THSD7A: variants seen among roughly 807,000 people sequenced by gnomAD.
The protein encoded by THSD7A is thrombospondin type-1 domain-containing protein 7A.
In THSD7A, 96 loss-of-function variants were observed where a neutral mutation model predicts 231.3. The observed-to-expected ratio is 0.41, with a 90% confidence interval of 0.35 to 0.49. The LOEUF (loss-of-function observed/expected upper bound fraction) is 0.49. THSD7A is among the 20% of genes least tolerant of loss of function. The pLI, the probability that THSD7A is intolerant of heterozygous loss-of-function variation, is 0.05. For missense variants in THSD7A, 2,290 were observed against 2,070.2 expected (o/e 1.11, Z -2.06); for synonymous variants, 940 against 743.3 (o/e 1.26, Z -4.30).
At chr7:11,732,940 T>C (rs979224082) in intron 1 of THSD7A, among the ~76,000 whole-genome samples, 1 of 151,904 alleles carries the variant, frequency 6.6e-6, no homozygotes, top group Non-Finnish European at 1.5e-5. Flanking sequence ...AACTGCCATA[T>C]ACCATAATAA....
intron 1 of THSD7A, among the ~76,000 whole-genome samples, chr7:11,699,854 G>A (rs1231668661): frequency 6.6e-6 from 1 of 151,194 alleles, no homozygotes; most frequent in Non-Finnish European, 1.5e-5. Flanking sequence ...TAATTTGCAT[G>A]GATGGAAATG....
intron 1 of THSD7A, among the ~76,000 whole-genome samples, chr7:11,680,485 C>T (rs1584200789): frequency 6.6e-6 from 1 of 151,696 alleles, no homozygotes; most frequent in Non-Finnish European, 1.5e-5. Flanking sequence ...AATCTACAAG[C>T]AACTTAAACA....
At chr7:11,685,394 G>A (rs532609142) in intron 1 of THSD7A, among the ~76,000 whole-genome samples, 1 of 151,860 alleles carries the variant, frequency 6.6e-6, no homozygotes, top group Non-Finnish European at 1.5e-5. Context: ...TTAAACTAAG[G>A]AGCTTTTGCA....
In THSD7A at chr7:11,780,997, C is replaced by CAAAAAAAAAAAAAAAAA. The variant is rs58931693; in HGVS notation, c.190+50743_190+50759dup. The stretch of plus-strand genomic sequence containing the variant: ...TGGGCGACAGAGCGAGACTCCGTCT[C>CAAAAAAAAAAAAAAAAA]AAAAAAAAAAAAAAAAAAAAAAAAA... On this transcript the variant is annotated intron_variant, in intron 1 of 27. Transcript: ENST00000423059. Among the ~76,000 whole-genome samples the CAAAAAAAAAAAAAAAAA allele has an allele frequency of 4.9e-4, 17 of 34,448 alleles. 5 individuals are homozygous for CAAAAAAAAAAAAAAAAA. Among genetic ancestry groups the CAAAAAAAAAAAAAAAAA allele is most frequent in the Non-Finnish European group, 6.9e-4 (13 of 18,860 alleles). 22.6% of individuals were successfully genotyped at this position (34,448 alleles called of 152,430 possible). A position where few individuals can be genotyped will look rare whatever the true frequency, so the allele number is the denominator to read the frequency against.
At chr7:11,389,479 AT>A (rs947246133) in intron 23 of THSD7A, among the ~76,000 whole-genome samples, 11 of 91,462 alleles carry the variant, frequency 1.2e-4, no homozygotes, top group African/African-American at 4.6e-4. Flanking sequence ...CTTGGTAAAT[AT>A]CCCTCCATCC....
intron 6 of THSD7A, among the ~76,000 whole-genome samples, chr7:11,523,715 G>A (rs1022454966): frequency 6.6e-6 from 1 of 152,002 alleles, no homozygotes; most frequent in Non-Finnish European, 1.5e-5. Context: ...ATAATTGACA[G>A]GAAGATTAAA....
At chr7:11,414,832 G>A (rs1783906728) in intron 17 of THSD7A, among the ~76,000 whole-genome samples, 1 of 152,154 alleles carries the variant, frequency 6.6e-6, no homozygotes, top group African/African-American at 2.4e-5. Context: ...TTATATAAAG[G>A]TCTTGTTCGT....
chr7:11,652,014 A>T (rs941678080), intron 1 of THSD7A, among the ~76,000 whole-genome samples: 9 of 151,994 alleles, frequency 5.9e-5, no homozygotes, highest in Non-Finnish European at 1.0e-4. Context: ...GAATGATTTT[A>T]TTACACATCT....
At chr7:11,608,376 T>C (rs922687443) in intron 2 of THSD7A, among the ~76,000 whole-genome samples, 3 of 152,090 alleles carry the variant, frequency 2.0e-5, no homozygotes, top group African/African-American at 4.8e-5. Flanking sequence ...AATTTAAAAA[T>C]TGATTAACTG....
intron 6 of THSD7A, among the ~76,000 whole-genome samples, chr7:11,529,259 T>C (rs970722598): frequency 6.6e-6 from 1 of 152,126 alleles, no homozygotes; most frequent in African/African-American, 2.4e-5. Context: ...TATTATAGAA[T>C]TTTATTATAT....
intron 6 of THSD7A, among the ~76,000 whole-genome samples, chr7:11,540,700 A>C (rs1789109048): frequency 6.6e-6 from 1 of 152,204 alleles, no homozygotes; most frequent in South Asian, 2.1e-4. Context: ...AGTTCTCCCC[A>C]AAACAGTAGC....
At chr7:11,432,899 A>C (rs994487068) in intron 13 of THSD7A, among the ~76,000 whole-genome samples, 1 of 152,020 alleles carries the variant, frequency 6.6e-6, no homozygotes, top group Non-Finnish European at 1.5e-5. Context: ...TATAAAATAA[A>C]TTTTAAAAAA....
intron 13 of THSD7A, among the ~76,000 whole-genome samples, chr7:11,436,508 A>C (rs1041852672): frequency 6.6e-6 from 1 of 152,036 alleles, no homozygotes; most frequent in Non-Finnish European, 1.5e-5. Flanking sequence ...AATACAAACT[A>C]TGACTCTCTG....
chr7:11,472,346 C>G (rs1370758210), intron 8 of THSD7A, among the ~76,000 whole-genome samples: 1 of 152,076 alleles, frequency 6.6e-6, no homozygotes, highest in Non-Finnish European at 1.5e-5. Flanking sequence ...ATTGATTTTA[C>G]CATTGCACAG....
chr7:11,705,027 A>G (rs1780719618), intron 1 of THSD7A, among the ~76,000 whole-genome samples: 1 of 151,140 alleles, frequency 6.6e-6, no homozygotes, highest in African/African-American at 2.4e-5. Context: ...TGTCTTTTAA[A>G]AATATATACT....
At chr7:11,620,081 G>C (rs963988903) in intron 2 of THSD7A, among the ~76,000 whole-genome samples, 4 of 152,134 alleles carry the variant, frequency 2.6e-5, no homozygotes, top group Non-Finnish European at 5.9e-5. Context: ...GTGATGAACT[G>C]TCTCAATAAA....
intron 1 of THSD7A, among the ~76,000 whole-genome samples, chr7:11,751,961 G>A (rs917911383): frequency 2.0e-5 from 3 of 152,198 alleles, no homozygotes; most frequent in South Asian, 2.1e-4. Context: ...TAGCTGCAGC[G>A]AACGCTGAGA....
chr7:11,617,246 T>A (rs993309458), intron 2 of THSD7A, among the ~76,000 whole-genome samples: 33 of 152,198 alleles, frequency 2.2e-4, no homozygotes, highest in African/African-American at 8.0e-4. Flanking sequence ...AATACATGCA[T>A]AACATACACA....
chr7:11,665,053 T>G (rs961982548), intron 1 of THSD7A, among the ~76,000 whole-genome samples: 2 of 152,046 alleles, frequency 1.3e-5, no homozygotes, highest in African/African-American at 4.8e-5. Flanking sequence ...CATCAAAGGC[T>G]TTGTCTGTGA....
Sources: allele counts gnomAD v4.1 joint callset (sites outside exome capture counted in the v4.1 genomes callset), GRCh38; gene constraint gnomAD v4.1.1; transcripts MANE v1.5; gene names NCBI Gene and HGNC (gene_info 2026-07-23, HGNC 2026-07-21).